The following LCOR variants were observed in gnomAD, a reference collection of about 807,000 sequenced individuals.
LCOR encodes the protein ligand-dependent corepressor.
Under a neutral mutation model 64.4 loss-of-function variants are expected in LCOR, and 14 were observed. That is an observed-to-expected ratio of 0.22 (90% confidence interval 0.14 to 0.34). LCOR has a LOEUF of 0.34. Among genes scored for constraint, LCOR ranks in the 10% least tolerant of loss-of-function variants. LCOR has a pLI of 1.00. For synonymous variants in LCOR, 643 were observed against 642.5 expected (o/e 1.00, Z -0.01); for missense variants, 1,686 against 1,765.3 (o/e 0.96, Z 0.80).
intron 2 of LCOR, among the ~76,000 whole-genome samples, chr10:96,904,907 G>C (rs1276400281): frequency 1.3e-5 from 2 of 152,208 alleles, no homozygotes; most frequent in African/African-American, 4.8e-5. Context: ...CCAGTGAACA[G>C]AGGGTAGCAA....
At chr10:96,958,189 A>T in intron 7 of LCOR, 1 of 1,279,758 alleles carries the variant, frequency 7.8e-7, no homozygotes, top group Non-Finnish European at 9.9e-7. Context: ...GAGAAAATTA[A>T]TTTGTGCTTG....
chr10:96,942,517 T>G (rs1455984794), intron 4 of LCOR, among the ~76,000 whole-genome samples: 2 of 152,208 alleles, frequency 1.3e-5, no homozygotes, highest in Admixed American at 1.3e-4. Context: ...TCAGTTAAAT[T>G]TTTTAATACA....
At chr10:96,848,264 G>A (rs1235337164) in intron 2 of LCOR, among the ~76,000 whole-genome samples, 1 of 152,182 alleles carries the variant, frequency 6.6e-6, no homozygotes. Flanking sequence ...CTGCCAATCT[G>A]TAGTTTCTGT....
At chr10:96,977,696 G>T (rs1848049919) in intron 7 of LCOR, among the ~76,000 whole-genome samples, 1 of 151,894 alleles carries the variant, frequency 6.6e-6, no homozygotes, top group Non-Finnish European at 1.5e-5. Flanking sequence ...TTTTGATGTG[G>T]GGTCTCACTC....
At chr10:96,945,404 T>C (rs564593517) in intron 5 of LCOR, among the ~76,000 whole-genome samples, 6 of 152,270 alleles carry the variant, frequency 3.9e-5, no homozygotes, top group East Asian at 1.9e-4. Context: ...GCACTTTTTT[T>C]CCCATTTTCT....
chr10:96,945,310 T>C (rs1213175337), intron 5 of LCOR, among the ~76,000 whole-genome samples: 2 of 152,236 alleles, frequency 1.3e-5, no homozygotes, highest in Non-Finnish European at 2.9e-5. Context: ...GCTGGGCTTC[T>C]GCTTAATGTG....
chr10:96,977,331 G>A (rs1564644567), intron 7 of LCOR, among the ~76,000 whole-genome samples: 1 of 152,180 alleles, frequency 6.6e-6, no homozygotes, highest in Non-Finnish European at 1.5e-5. Context: ...CAGTAAGAAA[G>A]AAGATTTAAT....
At chr10:96,836,799 T>C (rs1845449297) in intron 2 of LCOR, among the ~76,000 whole-genome samples, 1 of 152,194 alleles carries the variant, frequency 6.6e-6, no homozygotes, top group African/African-American at 2.4e-5. Flanking sequence ...CTGCAGTTCA[T>C]GATTAGTGTA....
chr10:96,873,571 CGTGTGTGTGTGTGTGTGTGTGT>C (rs55893181), intron 2 of LCOR, among the ~76,000 whole-genome samples: 13 of 126,340 alleles, frequency 1.0e-4, no homozygotes, highest in Non-Finnish European at 1.3e-4. Flanking sequence ...CACACACACA[CGTGTGTGTGTGTGTGTGTGTGT>C]GTGTGTGTGT....
chr10:96,900,331 T>G (rs555910229), intron 2 of LCOR, among the ~76,000 whole-genome samples: 5 of 152,114 alleles, frequency 3.3e-5, no homozygotes, highest in Non-Finnish European at 7.4e-5. Flanking sequence ...TTAGTTCTTT[T>G]AAGTCATCCT....
intron 1 of LCOR, among the ~76,000 whole-genome samples, chr10:96,832,730 A>C (rs1483886682): frequency 1.4e-5 from 2 of 145,436 alleles, no homozygotes; most frequent in African/African-American, 5.1e-5. Context: ...CTCCCGCTCC[A>C]GGCCCGGCGC....
intron 2 of LCOR, among the ~76,000 whole-genome samples, chr10:96,849,011 GT>G (rs144865916): frequency 0.1 from 10,737 of 106,458 alleles, 485 homozygotes; most frequent in East Asian, 0.2. Flanking sequence ...AGTTGAAAAT[GT>G]TTTTTTTTTT....
In LCOR at chr10:96,982,382, C is replaced by T; in HGVS notation, c.1922C>T (p.Ala641Val). ...EGGSTVSAPT[A>V]SGMSSPEHNQ... ...GGCTCCACAGTCTCAGCTCCCACAGCAAGTGGGATGTCTTCTCCTGAACAC... is the reference window on the plus strand; with the variant it reads ...GGCTCCACAGTCTCAGCTCCCACAGTAAGTGGGATGTCTTCTCCTGAACAC... The change falls in exon 8 of 8, where the codon GCA (alanine) becomes GTA (valine). Residue 641 changes from alanine to valine, a missense_variant. By Grantham distance (64) the Ala-to-Val change is moderately conservative (BLOSUM62 0). Coordinates refer to ENST00000421806, the MANE Select transcript of LCOR (RefSeq NM_001346516.2). The T allele has an allele frequency of 3.1e-6, 5 of 1,614,210 alleles. No homozygotes were observed. The highest frequency in any genetic ancestry group is 4.2e-6 in the Non-Finnish European group (5 of 1,180,028).
intron 4 of LCOR, among the ~76,000 whole-genome samples, chr10:96,939,505 G>A (rs148158508): frequency 4.6e-4 from 70 of 152,290 alleles, no homozygotes; most frequent in African/African-American, 1.6e-3. Flanking sequence ...TAAAATTAAA[G>A]CTTTCATGCT....
chr10:96,959,188 A>T (rs865808486), intron 7 of LCOR: 2 of 151,578 alleles, frequency 1.3e-5, no homozygotes, highest in South Asian at 4.2e-4. Context: ...TAGTTTGGGG[A>T]TGTCCTCACA....
At chr10:96,927,700 A>G (rs766884983) in intron 4 of LCOR, among the ~76,000 whole-genome samples, 5 of 152,164 alleles carry the variant, frequency 3.3e-5, no homozygotes, top group African/African-American at 7.2e-5. Context: ...TTCTAGCACC[A>G]TTTGTTGAAA....
At chr10:96,955,449 T>C in intron 7 of LCOR, 1 of 1,614,198 alleles carries the variant, frequency 6.2e-7, no homozygotes. Flanking sequence ...CAGCTATAGC[T>C]CTTTGGTAAT....
intron 2 of LCOR, among the ~76,000 whole-genome samples, chr10:96,874,544 A>G (rs770350188): frequency 2.6e-5 from 4 of 151,818 alleles, no homozygotes; most frequent in Non-Finnish European, 4.4e-5. Context: ...GTCATAATAA[A>G]CTCCTGGTAA....
chr10:96,840,484 G>A (rs895242119), intron 2 of LCOR, among the ~76,000 whole-genome samples: 9 of 152,190 alleles, frequency 5.9e-5, no homozygotes, highest in East Asian at 5.8e-4. Context: ...GGATACGTCA[G>A]GGTTTGCTAA....
Sources: allele counts gnomAD v4.1 joint callset (sites outside exome capture counted in the v4.1 genomes callset), GRCh38; gene constraint gnomAD v4.1.1; transcripts MANE v1.5; gene names NCBI Gene and HGNC (gene_info 2026-07-23, HGNC 2026-07-21).